KAZN: variants seen among roughly 807,000 people sequenced by gnomAD.
KAZN encodes kazrin, periplakin interacting protein, also known as kazrin.
Under a neutral mutation model 87.4 loss-of-function variants are expected in KAZN, and 40 were observed. The observed-to-expected ratio is 0.46, with a 90% CI of 0.36 to 0.60. The LOEUF is 0.60. KAZN is among the 20% of genes least tolerant of loss of function. KAZN has a pLI of 0.00. For missense variants in KAZN, 898 were observed against 1,073.9 expected (o/e 0.84, Z 2.29); for synonymous variants, 466 against 458.3 (o/e 1.02, Z -0.22).
chr1:14,829,039 G>A (rs74059605), intron 1 of KAZN, among the ~76,000 whole-genome samples: 20,961 of 152,236 alleles, frequency 0.14, 2,748 homozygotes, highest in African/African-American at 0.35. Flanking sequence ...GATATCCTGG[G>A]TGGCTTAAGC....
intron 2 of KAZN, among the ~76,000 whole-genome samples, chr1:15,023,916 G>C (rs1328327411): frequency 1.3e-5 from 2 of 151,788 alleles, no homozygotes; most frequent in Non-Finnish European, 2.9e-5. Flanking sequence ...TTGGGGGGGT[G>C]GTCAAGGAAG....
At chr1:14,502,595 G>T (rs76574329) in intron 2 of KAZN, among the ~76,000 whole-genome samples, 7 of 152,096 alleles carry the variant, frequency 4.6e-5, no homozygotes, top group South Asian at 2.1e-4. Flanking sequence ...TTATCTTCTG[G>T]CAAACGGTCA....
intron 2 of KAZN, among the ~76,000 whole-genome samples, chr1:14,250,532 A>G (rs1235126979): frequency 6.6e-6 from 1 of 152,130 alleles, no homozygotes; most frequent in African/African-American, 2.4e-5. Flanking sequence ...AAGGAAAAAG[A>G]CAACTAACAT....
intron 1 of KAZN, among the ~76,000 whole-genome samples, chr1:14,690,892 G>A (rs914223329): frequency 1.3e-5 from 2 of 151,974 alleles, no homozygotes; most frequent in African/African-American, 4.8e-5. Context: ...TGGTTTTATT[G>A]TTCCTCACTC....
At chr1:14,291,183 A>C (rs149340736) in intron 2 of KAZN, among the ~76,000 whole-genome samples, 1 of 152,220 alleles carries the variant, frequency 6.6e-6, no homozygotes, top group Non-Finnish European at 1.5e-5. Context: ...TCAGAGCTCA[A>C]ACACCATGCT....
intron 2 of KAZN, among the ~76,000 whole-genome samples, chr1:14,331,327 T>C (rs1656841441): frequency 1.3e-5 from 2 of 152,282 alleles, no homozygotes; most frequent in South Asian, 2.1e-4. Context: ...TCCCGTCTTA[T>C]ATATGCACCC....
intron 2 of KAZN, among the ~76,000 whole-genome samples, chr1:14,434,265 C>G (rs949331629): frequency 6.6e-6 from 1 of 152,110 alleles, no homozygotes; most frequent in Non-Finnish European, 1.5e-5. Flanking sequence ...CTTGGTTATT[C>G]TTCCTCCGCC....
chr1:14,829,697 G>A (rs1054070787), intron 1 of KAZN, among the ~76,000 whole-genome samples: 8 of 152,218 alleles, frequency 5.3e-5, no homozygotes, highest in Non-Finnish European at 1.2e-4. Flanking sequence ...CAGGCAGACA[G>A]AATGATGTGT....
At chr1:15,003,796 A>G (rs1445922107) in intron 2 of KAZN, among the ~76,000 whole-genome samples, 1 of 152,078 alleles carries the variant, frequency 6.6e-6, no homozygotes, top group East Asian at 1.9e-4. Flanking sequence ...ACTCTTCCCC[A>G]GGTGTGCCGT....
intron 2 of KAZN, among the ~76,000 whole-genome samples, chr1:14,463,306 G>A (rs1008411634): frequency 6.6e-5 from 10 of 152,106 alleles, no homozygotes; most frequent in African/African-American, 2.4e-4. Flanking sequence ...GCCATCTGCT[G>A]GCTTCTTCAC....
intron 2 of KAZN, among the ~76,000 whole-genome samples, chr1:14,328,017 T>C (rs1656564406): frequency 6.6e-6 from 1 of 152,214 alleles, no homozygotes; most frequent in Non-Finnish European, 1.5e-5. Flanking sequence ...ATATTGTATG[T>C]TTAATGAACA....
chr1:14,728,854 A>G (rs1481491739), intron 1 of KAZN, among the ~76,000 whole-genome samples: 1 of 152,180 alleles, frequency 6.6e-6, no homozygotes, highest in Non-Finnish European at 1.5e-5. Context: ...CTTGCCTCAT[A>G]AAGTTCTTGG....
chr1:14,418,338 G>C (rs1336868906), intron 2 of KAZN, among the ~76,000 whole-genome samples: 1 of 152,158 alleles, frequency 6.6e-6, no homozygotes, highest in Non-Finnish European at 1.5e-5. Flanking sequence ...AGCCATGCCG[G>C]CTTGCTGTGA....
intron 2 of KAZN, among the ~76,000 whole-genome samples, chr1:15,023,871 C>T (rs1232969553): frequency 1.5e-5 from 2 of 132,222 alleles, no homozygotes; most frequent in African/African-American, 3.0e-5. Context: ...CTGGCGTGGT[C>T]GGCTGATTAA....
chr1:15,011,288 CTTG>C (rs1455746156), intron 2 of KAZN, among the ~76,000 whole-genome samples: 1 of 152,204 alleles, frequency 6.6e-6, no homozygotes, highest in African/African-American at 2.4e-5. Flanking sequence ...ATCATATGCT[CTTG>C]TTATCTCTAA....
intron 2 of KAZN, among the ~76,000 whole-genome samples, chr1:14,376,485 T>C (rs981034494): frequency 7.9e-5 from 12 of 152,192 alleles, no homozygotes; most frequent in Admixed American, 2.6e-4. Flanking sequence ...TCACTCTCTC[T>C]TGCTCTTCTA....
At chr1:14,882,749 T>C (rs1653476899) in intron 1 of KAZN, among the ~76,000 whole-genome samples, 1 of 152,078 alleles carries the variant, frequency 6.6e-6, no homozygotes, top group Non-Finnish European at 1.5e-5. Context: ...TAAAAGTTCA[T>C]TGGCATTTAT....
At chr1:14,396,869 T>C (rs1299450713) in intron 2 of KAZN, among the ~76,000 whole-genome samples, 1 of 151,504 alleles carries the variant, frequency 6.6e-6, no homozygotes, top group African/African-American at 2.4e-5. Flanking sequence ...GCCATCTTTT[T>C]AAGACAGATT....
upstream of KAZN, chr1:14,598,581 G>A (rs1446909104): frequency 3.6e-6 from 3 of 844,462 alleles, no homozygotes; most frequent in East Asian, 2.0e-4. The surrounding 1 kb of genome is among the most constrained non-coding windows in gnomAD (Gnocchi z 4.2). Context: ...AAGTACGGGG[G>A]CGCGGGAGGC....
Sources: gnomAD v4.1 joint callset for allele counts (sites outside exome capture counted in the v4.1 genomes callset) on GRCh38, gnomAD v4.1.1 for gene constraint, Gnocchi (gnomAD v3.1) non-coding constraint, MANE v1.5 for transcripts, NCBI Gene and HGNC (gene_info 2026-07-23, HGNC 2026-07-21) for gene names.